Variants in ARMC2 observed in about 807,000 individuals in gnomAD.
The protein encoded by ARMC2 is armadillo repeat containing 2.
A neutral mutation model predicts 90.3 loss-of-function variants in ARMC2; 67 were observed. The ratio of observed to expected loss-of-function variants is 0.74; its 90% CI spans 0.61 to 0.91. The LOEUF (loss-of-function observed/expected upper bound fraction) is 0.91. Among genes scored for constraint, ARMC2 ranks in the 40% least tolerant of loss-of-function variants. The pLI is 0.00. For synonymous variants in ARMC2, 393 were observed against 393.0 expected (o/e 1.00, Z 0.00); for missense variants, 920 against 1,030.9 (o/e 0.89, Z 1.47).
rs964353439 is a variant in ARMC2 at position 108,854,301 on chromosome 6, C to G, written c.34C>G (p.Leu12Val). The G allele has an allele frequency of 1.6e-5, 26 of 1,611,116 alleles. No homozygotes were observed. Among genetic ancestry groups the G allele is most frequent in the Non-Finnish European group, 2.1e-5 (25 of 1,178,966 alleles). Residue 12 changes from leucine to valine, a missense_variant, in exon 2 of 18, where the codon CTG (leucine) becomes GTG (valine). Physicochemically the swap from Leu to Val is conservative, Grantham distance 32 (BLOSUM62 1). Transcript: ENST00000392644. The part of the protein sequence containing the change: ...LSPNDKMLGK[L>V]DPFYQPSVSK... ...TCCAAATGATAAAATGTTAGGAAAA[C>G]TGGATCCATTTTATCAACCTTCAGT...
the ARMC2 span, among the ~76,000 whole-genome samples, chr6:109,019,030 C>G: frequency 6.6e-6 from 1 of 151,960 alleles, no homozygotes; most frequent in African/African-American, 2.4e-5. Context: ...ATAAAATAGC[C>G]CCACTGTTTT....
the ARMC2 span, among the ~76,000 whole-genome samples, chr6:109,029,639 G>A: frequency 2.0e-5 from 3 of 152,052 alleles, no homozygotes; most frequent in Non-Finnish European, 4.4e-5. Flanking sequence ...GGGCTCAAGC[G>A]ATCCTCCTGT....
At chr6:108,892,916 G>A (rs1159392353) in intron 5 of ARMC2, among the ~76,000 whole-genome samples, 2 of 152,194 alleles carry the variant, frequency 1.3e-5, no homozygotes, top group East Asian at 3.9e-4. Context: ...GAAGCCACGG[G>A]CACATACAGA....
Position 108,910,956 on chromosome 6 carries a change from A to G in ARMC2, c.1081A>G (p.Arg361Gly), listed in dbSNP as rs534428178. The G allele has an allele frequency of 5.3e-5, 84 of 1,585,200 alleles. No individual in the cohort carries two copies. Among genetic ancestry groups the G allele is most frequent in the Non-Finnish European group, 7.2e-5 (84 of 1,165,742 alleles). The stretch of plus-strand genomic sequence containing the variant: ...CTGCAAACTTATATTTAAAATTAGC[A>G]GGAATGAGAAGAATGATTCTTTGAT... ...NVCKLIFKIS[R>G]NEKNDSLIQN... Residue 361 changes from arginine to glycine, a missense_variant, in exon 9 of 18, where the codon AGG becomes GGG. Transcript: ENST00000392644.
the ARMC2 span, among the ~76,000 whole-genome samples, chr6:109,050,478 T>G: frequency 6.6e-6 from 1 of 152,060 alleles, no homozygotes; most frequent in Non-Finnish European, 1.5e-5. Context: ...CTTTAAATAT[T>G]AAAAATAGAC....
At chr6:108,851,844 A>G (rs1417806945) in intron 1 of ARMC2, among the ~76,000 whole-genome samples, 1 of 152,214 alleles carries the variant, frequency 6.6e-6, no homozygotes, top group Non-Finnish European at 1.5e-5. Flanking sequence ...GAGATAATGC[A>G]GTCAAGAGTA....
At chr6:108,988,376 A>G in the ARMC2 span, 2 of 541,482 alleles carry the variant, frequency 3.7e-6, no homozygotes, top group Non-Finnish European at 6.3e-6. Flanking sequence ...TACTCTATCA[A>G]CATAATCAGG....
At chr6:109,009,311 C>A in the ARMC2 span, 1 of 1,431,838 alleles carries the variant, frequency 7.0e-7, no homozygotes, top group Non-Finnish European at 9.2e-7. Context: ...GGCCGGGTGC[C>A]CACCCGCCCA....
chr6:108,937,019 A>C lies in ARMC2; in HGVS notation c.1596+20A>C. 6.5e-7 allele frequency: 1 copy of C among 1,531,834 alleles called. No individual in the cohort carries two copies. Among genetic ancestry groups the C allele is most frequent in the South Asian group, 1.2e-5 (1 of 84,950 alleles). 94.9% of individuals were successfully genotyped at this position (1,531,834 alleles called of 1,614,324 possible). On this transcript the variant is annotated intron_variant, in intron 12 of 17. Transcript: ENST00000392644. ...AAGCAGGTCAGTTCTTCATTCATTT[A>C]ATTCTTCAATGAGTCTTTACACTAA... is the stretch of plus-strand genomic sequence containing the variant.
chr6:108,875,102 C>T (rs1041261575), intron 4 of ARMC2, among the ~76,000 whole-genome samples: 3 of 152,118 alleles, frequency 2.0e-5, no homozygotes, highest in African/African-American at 7.2e-5. Context: ...TACTCTCTTC[C>T]CCTTTAACAA....
At chr6:108,926,615 C>T (rs1322685451) in intron 10 of ARMC2, among the ~76,000 whole-genome samples, 2 of 151,994 alleles carry the variant, frequency 1.3e-5, no homozygotes, top group South Asian at 2.1e-4. Context: ...ATTCCAGCTA[C>T]TTGGGAGGCT....
chr6:109,041,751 C>A, the ARMC2 span, among the ~76,000 whole-genome samples: 2 of 152,068 alleles, frequency 1.3e-5, no homozygotes, highest in African/African-American at 2.4e-5. Flanking sequence ...ATAATTATAG[C>A]AGGAGACTTC....
the ARMC2 span, among the ~76,000 whole-genome samples, chr6:109,046,668 AG>A: frequency 7.7e-6 from 1 of 130,368 alleles, no homozygotes; most frequent in Non-Finnish European, 1.7e-5. Flanking sequence ...CATCACATCT[AG>A]GAAGTGAGGA....
intron 5 of ARMC2, among the ~76,000 whole-genome samples, chr6:108,891,074 C>T (rs946601219): frequency 3.3e-5 from 5 of 152,150 alleles, no homozygotes; most frequent in African/African-American, 1.2e-4. Flanking sequence ...CTGCAAAGTA[C>T]ACGAACTCAT....
chr6:108,892,759 CAAA>C (rs55747245), intron 5 of ARMC2, among the ~76,000 whole-genome samples: 1 of 89,694 alleles, frequency 1.1e-5, no homozygotes, highest in Non-Finnish European at 2.3e-5. Context: ...AACTCCATCT[CAAA>C]AAAAAAAAAA....
intron 3 of ARMC2, among the ~76,000 whole-genome samples, chr6:108,861,236 G>A (rs968124039): frequency 2.6e-5 from 4 of 152,200 alleles, no homozygotes; most frequent in South Asian, 2.1e-4. Context: ...TTAGTCAAGC[G>A]CTTCTCAATT....
At position 108,892,485 on chromosome 6, in the gene ARMC2, C is replaced by T. The variant is rs577451669; in HGVS notation, c.672-1982C>T. Among the ~76,000 whole-genome samples the T allele has an allele frequency of 4.2e-3, 637 of 151,792 alleles. 3 individuals are homozygous for T. The highest frequency in any genetic ancestry group is 0.014 in the African/African-American group (594 of 41,420). On this transcript the variant is annotated intron_variant, in intron 5 of 17. Coordinates refer to ENST00000392644, the MANE Select transcript of ARMC2 (RefSeq NM_032131.6). The stretch of plus-strand genomic sequence containing the variant: ...AAAAAAAAATGGGGTGGCTGGTGGG[C>T]GCCATGGCTCACACCTGTTATCCCA...
intron 7 of ARMC2, among the ~76,000 whole-genome samples, chr6:108,902,036 G>A (rs572945576): frequency 1.3e-5 from 2 of 152,338 alleles, no homozygotes; most frequent in East Asian, 1.9e-4. Flanking sequence ...AGGAGTACAC[G>A]ATGCTGATGC....
intron 7 of ARMC2, among the ~76,000 whole-genome samples, chr6:108,900,956 A>G (rs1367698609): frequency 6.6e-6 from 1 of 151,980 alleles, no homozygotes; most frequent in Non-Finnish European, 1.5e-5. Context: ...ATTTCAGGAG[A>G]TATGTGCAAA....
Sources: allele counts gnomAD v4.1 joint callset (sites outside exome capture counted in the v4.1 genomes callset), GRCh38; gene constraint gnomAD v4.1.1; transcripts MANE v1.5; gene names NCBI Gene and HGNC (gene_info 2026-07-23, HGNC 2026-07-21).